The following LRP1B variants were observed in gnomAD, a reference collection of about 807,000 sequenced individuals.
LRP1B encodes the protein LDL receptor related protein 1B.
In LRP1B, 217 loss-of-function variants were observed where a neutral mutation model predicts 556.6. That is an observed-to-expected ratio of 0.39 (90% confidence interval 0.35 to 0.44). The LOEUF is 0.44. Among genes scored for constraint, LRP1B ranks in the 20% least tolerant of loss-of-function variants. The pLI is 1.00. For synonymous variants in LRP1B, 2,047 were observed against 1,865.8 expected, an observed-to-expected ratio of 1.10 and a Z score of -2.50; for missense variants, 5,053 against 5,620.8, an observed-to-expected ratio of 0.90 and a Z score of 3.23.
At chr2:141,725,677 T>G (rs1319746129) in intron 2 of LRP1B, among the ~76,000 whole-genome samples, 1 of 151,848 alleles carries the variant, frequency 6.6e-6, no homozygotes, top group Non-Finnish European at 1.5e-5. Context: ...TGGCACAATA[T>G]AGCAAATGAT....
chr2:141,499,716 C>T (rs1683643700), intron 2 of LRP1B, among the ~76,000 whole-genome samples: 1 of 151,664 alleles, frequency 6.6e-6, no homozygotes, highest in Non-Finnish European at 1.5e-5. Flanking sequence ...TTTAAGCTGA[C>T]ATGATTGGCA....
chr2:141,662,456 C>G (rs780684387), intron 2 of LRP1B, among the ~76,000 whole-genome samples: 13 of 151,974 alleles, frequency 8.6e-5, no homozygotes, highest in Non-Finnish European at 1.3e-4. Context: ...CAAAGACAAA[C>G]AGAGGGTCAA....
chr2:140,407,361 G>T (rs1262565012), intron 66 of LRP1B, among the ~76,000 whole-genome samples: 1 of 151,904 alleles, frequency 6.6e-6, no homozygotes, highest in Non-Finnish European at 1.5e-5. Context: ...AAAAGCTTCT[G>T]CACAGCAAAA....
chr2:140,996,072 G>A (rs1280992321), intron 15 of LRP1B, among the ~76,000 whole-genome samples: 1 of 151,950 alleles, frequency 6.6e-6, no homozygotes, highest in Non-Finnish European at 1.5e-5. Context: ...GGAATCGTGT[G>A]TCTTCTACCG....
chr2:141,065,829 A>T (rs1351919999), intron 7 of LRP1B, among the ~76,000 whole-genome samples: 1 of 151,726 alleles, frequency 6.6e-6, no homozygotes, highest in Admixed American at 6.6e-5. Context: ...TCTCTTTTTC[A>T]GCATCTCCCC....
chr2:141,034,918 T>A (rs1698486386), intron 11 of LRP1B, among the ~76,000 whole-genome samples: 1 of 151,994 alleles, frequency 6.6e-6, no homozygotes, highest in Admixed American at 6.6e-5. Flanking sequence ...GTATGTTTAT[T>A]GCGGCACTAT....
intron 2 of LRP1B, among the ~76,000 whole-genome samples, chr2:141,506,670 T>C (rs746260893): frequency 6.6e-5 from 10 of 152,076 alleles, no homozygotes; most frequent in Non-Finnish European, 1.0e-4. Flanking sequence ...CTCTTTGTAT[T>C]AGTATGTTAT....
intron 2 of LRP1B, among the ~76,000 whole-genome samples, chr2:141,723,942 A>G (rs2105504520): frequency 6.6e-6 from 1 of 152,066 alleles, no homozygotes; most frequent in South Asian, 2.1e-4. Flanking sequence ...TGATGCAATA[A>G]GTTTATCTTA....
chr2:141,281,738 C>T (rs918248700), intron 3 of LRP1B, among the ~76,000 whole-genome samples: 6 of 151,788 alleles, frequency 4.0e-5, no homozygotes, highest in African/African-American at 1.5e-4. Flanking sequence ...CTGAGAGGTA[C>T]AAAACTAAAG....
At chr2:141,404,823 G>A (rs993746544) in intron 3 of LRP1B, among the ~76,000 whole-genome samples, 1 of 151,852 alleles carries the variant, frequency 6.6e-6, no homozygotes, top group Non-Finnish European at 1.5e-5. Context: ...AAACCTGTGA[G>A]AAATGGAAGC....
At chr2:142,025,144 T>A (rs528521978) in intron 1 of LRP1B, among the ~76,000 whole-genome samples, 140 of 152,166 alleles carry the variant, frequency 9.2e-4, no homozygotes, top group African/African-American at 2.7e-3. Context: ...GTCATCTAAC[T>A]CTCCTCTTTC....
chr2:140,882,007 A>G (rs1250910601), intron 25 of LRP1B, among the ~76,000 whole-genome samples: 1 of 152,170 alleles, frequency 6.6e-6, no homozygotes, highest in African/African-American at 2.4e-5. Flanking sequence ...TGGAGAGACC[A>G]TTTTTAAACT....
intron 23 of LRP1B, among the ~76,000 whole-genome samples, chr2:140,901,979 G>A (rs1694118339): frequency 1.3e-5 from 2 of 152,054 alleles, no homozygotes; most frequent in South Asian, 4.2e-4. Context: ...GCCTGAACAT[G>A]TGATATTTTG....
intron 3 of LRP1B, among the ~76,000 whole-genome samples, chr2:141,372,036 T>G (rs536489068): frequency 2.7e-4 from 41 of 152,192 alleles, no homozygotes; most frequent in Admixed American, 6.5e-5. Flanking sequence ...TGAGTTATGT[T>G]TCTTCTGTCC....
intron 1 of LRP1B, among the ~76,000 whole-genome samples, chr2:141,987,549 GTT>G (rs5834887): frequency 2.1e-4 from 30 of 139,980 alleles, no homozygotes; most frequent in African/African-American, 6.8e-4. Flanking sequence ...GATTTAAGCT[GTT>G]TTTTTTTTTT....
Position 140,921,214 on chromosome 2 carries a change from G to A in LRP1B, c.3319+1751C>T, listed in dbSNP as rs571834426. 2.6e-5 allele frequency among the ~76,000 whole-genome samples: 4 copies of A among 151,688 alleles called. No homozygotes were observed. In the South Asian group the frequency reaches 8.3e-4, roughly 31 times the overall value. ...GTGAATCTCCTTATAATTTATTTCT[G>A]TATAGAGAAATTGCAGCCTGGTTTT... On this transcript the variant is annotated intron_variant, in intron 21 of 90. Coordinates refer to ENST00000389484, the MANE Select transcript of LRP1B (RefSeq NM_018557.3).
Position 140,886,131 on chromosome 2 carries a change from T to C in LRP1B, c.3964+7A>G, listed in dbSNP as rs750700730. ...CTAAACATTAAGAAAAATTATAATA[T>C]ATGTACCTCCACTTTCAGAAAGCTT... On this transcript the variant is annotated splice_region_variant and intron_variant, in intron 24 of 90. Coordinates refer to ENST00000389484, the MANE Select transcript of LRP1B (RefSeq NM_018557.3). 5 of 1,533,300 alleles carry C rather than the reference T, an allele frequency of 3.3e-6. No homozygotes were observed. The highest frequency in any genetic ancestry group is 1.9e-5 in the Admixed American group (1 of 53,340). The allele number at this position is 1,533,300 out of a possible 1,614,324, so 95.0% of individuals were successfully genotyped here.
chr2:140,540,535 T>TG (rs1441997124), intron 45 of LRP1B, among the ~76,000 whole-genome samples: 1 of 152,142 alleles, frequency 6.6e-6, no homozygotes, highest in African/African-American at 2.4e-5. Context: ...ACACATAAGC[T>TG]GCATGAGCCA....
chr2:141,914,784 A>G (rs1197594550), intron 1 of LRP1B, among the ~76,000 whole-genome samples: 2 of 152,144 alleles, frequency 1.3e-5, no homozygotes, highest in African/African-American at 4.8e-5. Flanking sequence ...CTAGGAATAC[A>G]TCTAACCAAG....
Sources: gnomAD v4.1 joint callset for allele counts (sites outside exome capture counted in the v4.1 genomes callset) on GRCh38, gnomAD v4.1.1 for gene constraint, MANE v1.5 for transcripts, NCBI Gene and HGNC (gene_info 2026-07-23, HGNC 2026-07-21) for gene names.